Variants in LAMA5 observed in about 807,000 individuals in gnomAD.
LAMA5 encodes the protein laminin subunit alpha-5.
LAMA5 carries 260 observed loss-of-function variants against 433.4 expected under a neutral mutation model. The ratio of observed to expected loss-of-function variants is 0.60; its 90% confidence interval spans 0.54 to 0.66. The LOEUF is 0.66. Among genes scored for constraint, LAMA5 ranks in the 30% least tolerant of loss-of-function variants. LAMA5 has a pLI of 0.00. For synonymous variants in LAMA5, 2,620 were observed against 2,226.6 expected (o/e 1.18, Z -4.97); for missense variants, 5,378 against 5,258.5 (o/e 1.02, Z -0.70).
chr20:62,338,326 G>T lies in LAMA5; in HGVS notation c.1662C>A (p.Asp554Glu). The part of the protein sequence containing the change: ...SSPGVADDRC[D>E]PDTGQCRCRV... ...GGCACCTGCACTGGCCTGTGTCAGG[G>T]TCACAGCGGTCATCGGCCACTCCAG... Residue 554 changes from aspartate to glutamate, a missense_variant, in exon 13 of 80, where the codon GAC becomes GAA. Asp to Glu is a conservative substitution (Grantham distance 45). Coordinates refer to ENST00000252999, the MANE Select transcript of LAMA5 (RefSeq NM_005560.6). The T allele has an allele frequency of 6.2e-7, 1 of 1,608,296 alleles. No homozygotes were observed. The highest frequency in any genetic ancestry group is 1.1e-5 in the South Asian group (1 of 90,276).
chr20:62,323,506 A>T lies in LAMA5; in HGVS notation c.6014T>A (p.Ile2005Asn). ...LRHTTGPRCE[I>N]CAPGFYGNAL... is the part of the protein sequence containing the mutation. ...GTTGCCGTAGAAGCCGGGGGCACAG[A>T]TCTCGCAGCGGGGCCCAGTGGTGTG... is the stretch of plus-strand genomic sequence containing the variant. Residue 2005 changes from isoleucine to asparagine, a missense_variant, in exon 45 of 80, where the codon ATC (isoleucine) becomes AAC (asparagine). Transcript: ENST00000252999. 2 of 1,561,796 alleles carry T rather than the reference A, an allele frequency of 1.3e-6. No homozygotes were observed. Among genetic ancestry groups the T allele is most frequent in the South Asian group, 2.4e-5 (2 of 85,106 alleles).
At chr20:62,326,814 A>G in intron 39 of LAMA5, 51 bp downstream of exon 39, 1 of 1,601,482 alleles carries the variant, frequency 6.2e-7, no homozygotes, top group Non-Finnish European at 8.5e-7. Context: ...CCACGGTGCC[A>G]CTGCGCCACG....
intron 1 of LAMA5, among the ~76,000 whole-genome samples, chr20:62,365,085 G>T (rs1326821087): frequency 6.6e-6 from 1 of 152,286 alleles, no homozygotes; most frequent in African/African-American, 2.4e-5. Context: ...ACGTCTACCA[G>T]CTGATCTTTC....
chr20:62,309,365 C>G lies in LAMA5; in HGVS notation c.11059G>C (p.Val3687Leu). The G allele has an allele frequency of 6.3e-7, 1 of 1,590,594 alleles. No individual in the cohort carries two copies. Among genetic ancestry groups the G allele is most frequent in the African/African-American group, 1.3e-5 (1 of 74,854 alleles). Residue 3687 changes from valine to leucine, a missense_variant, in exon 80 of 80, where the codon GTG (valine) becomes CTG (leucine). Physicochemically the swap from Val to Leu is conservative, Grantham distance 32 (BLOSUM62 1). Coordinates refer to ENST00000252999, the MANE Select transcript of LAMA5 (RefSeq NM_005560.6). ...GCGGCTGGGCAGCCACTGGCCCCCA[C>G]TGCCCCGTGGACCTCCACAGAGCGA... ...MTRSVEVHGAVGASGCPAA is the reference protein window; with the variant it reads ...MTRSVEVHGALGASGCPAA
chr20:62,332,003 G>A (rs2146195835), intron 28 of LAMA5, among the ~76,000 whole-genome samples: 1 of 151,300 alleles, frequency 6.6e-6, no homozygotes, highest in East Asian at 2.0e-4. Context: ...AGTGAGCCAA[G>A]ATCTTGCCAT....
At position 62,320,498 on chromosome 20, in the gene LAMA5, C is replaced by T. The variant is rs374718187; in HGVS notation, c.6759+61G>A. 7.4e-4 allele frequency: 973 copies of T among 1,309,722 alleles called. 2 individuals are homozygous for T. The highest frequency in any genetic ancestry group is 4.6e-4 in the Non-Finnish European group (438 of 943,502). The allele number at this position is 1,309,722 out of a possible 1,614,324, so 81.1% of individuals were successfully genotyped here. On this transcript the variant is annotated intron_variant, in intron 50 of 79. Transcript: ENST00000252999. ...GTAACATCTGCTGAATGAGGACAAG[C>T]GAACCGCGGGGAACACAGGTGAAAG...
At position 62,324,393 on chromosome 20, in the gene LAMA5, G is replaced by A. The variant is rs1330718550; in HGVS notation, c.5643+48C>T. 8.0e-6 allele frequency: 12 copies of A among 1,498,120 alleles called. No individual in the cohort carries two copies. The highest frequency in any genetic ancestry group is 7.2e-5 in the Admixed American group (4 of 55,488). 92.8% of individuals were successfully genotyped at this position (1,498,120 alleles called of 1,614,324 possible). ...CTGGTCTTCCCTGGCACACTTGACT[G>A]TGCCTTCAGTGAATGCTGCCCCCCT... On this transcript the variant is annotated intron_variant, in intron 42 of 79. Transcript: ENST00000252999. This position sits in a 1 kb window ranked among gnomAD's most constrained non-coding sequence, Gnocchi z 4.4.
At chr20:62,338,629 G>A (rs190498900) in intron 11 of LAMA5, 21 bp from the exon 12 acceptor site, 4 of 1,599,454 alleles carry the variant, frequency 2.5e-6, no homozygotes, top group East Asian at 2.2e-5. Context: ...GGGACAGGCA[G>A]GGGAGTCTCA....
Position 62,313,408 on chromosome 20 carries a change from G to C in LAMA5, c.8711C>G (p.Thr2904Arg). The change falls in exon 64 of 80, where the codon ACG becomes AGG. Residue 2904 changes from threonine to arginine, a missense_variant. By Grantham distance (71) the Thr-to-Arg change is moderately conservative. Coordinates refer to ENST00000252999, the MANE Select transcript of LAMA5 (RefSeq NM_005560.6). ...GAGGCTGACCACCTCCTCATTCAGCGTGTCCATCTCGATGCAGCCCCGGTA... is the reference window on the plus strand; with the variant it reads ...GAGGCTGACCACCTCCTCATTCAGCCTGTCCATCTCGATGCAGCCCCGGTA... ...PGYRGCIEMD[T>R]LNEEVVSLYN... The C allele has an allele frequency of 6.2e-7, 1 of 1,609,662 alleles. No individual in the cohort carries two copies.
intron 57 of LAMA5, chr20:62,316,298 C>G (rs1048195390): frequency 3.5e-6 from 2 of 576,848 alleles, no homozygotes; most frequent in Admixed American, 6.2e-5. Flanking sequence ...ACAGATGAAA[C>G]AATAGAGGCT....
intron 78 of LAMA5, 66 bp downstream of exon 78, chr20:62,309,922 C>T (rs536144969): frequency 2.6e-5 from 42 of 1,605,348 alleles, no homozygotes; most frequent in East Asian, 1.1e-4. Context: ...CCCAGAGTCC[C>T]GCCTGGCTCC....
At chr20:62,310,642 G>T (rs368700282) in intron 75 of LAMA5, 23 bp downstream of exon 75, 37 of 1,596,910 alleles carry the variant, frequency 2.3e-5, no homozygotes, top group Non-Finnish European at 2.8e-5. Flanking sequence ...GGGGAGTGGG[G>T]GCTGGGGCAA....
Position 62,328,619 on chromosome 20 carries a change from C to G in LAMA5, c.4448-174G>C, listed in dbSNP as rs572585512. Among the ~76,000 whole-genome samples the G allele has an allele frequency of 2.8e-5, 4 of 144,808 alleles. No individual in the cohort carries two copies. The East Asian group carries it at 7.8e-4, about 28-fold the overall frequency. 95.0% of individuals were successfully genotyped at this position (144,808 alleles called of 152,430 possible). On this transcript the variant is annotated intron_variant, in intron 34 of 79. Coordinates refer to ENST00000252999, the MANE Select transcript of LAMA5 (RefSeq NM_005560.6). The stretch of plus-strand genomic sequence containing the variant: ...AGCTCCTGACATGGAGGCAGCTGCT[C>G]AGAATCAACATCATCGTCAGAGACT...
rs781297284 is a variant in LAMA5, at chr20:62,317,011, G to A, written c.7524C>T (p.Asp2508=). 30 of 1,532,888 alleles carry A rather than the reference G, an allele frequency of 2.0e-5. No individual in the cohort carries two copies. Among genetic ancestry groups the A allele is most frequent in the African/African-American group, 6.9e-5 (5 of 72,318 alleles). The allele number at this position is 1,532,888 out of a possible 1,614,324, so 95.0% of individuals were successfully genotyped here. ...TCTGGGTGAGGCGGTCCTGGTTGAC[G>A]TCCAGGATGATGCTGCAGCGGAAGG... ...LALNLSSIIL[D]VNQDRLTQRA... Residue 2508 remains aspartate, a synonymous_variant, in exon 56 of 80, where the codon GAC becomes GAT. Coordinates refer to ENST00000252999, the MANE Select transcript of LAMA5 (RefSeq NM_005560.6).
rs535497622 is a variant in LAMA5 at position 62,338,199 on chromosome 20, C to T, written c.1756+33G>A. Reference sequence around the variant, plus strand: ...GGTAGGCCAGGCCCACGGGCCTCCCCTACCCACGCCCACGTGGAGAGGCAC... The same window carrying T: ...GGTAGGCCAGGCCCACGGGCCTCCCTTACCCACGCCCACGTGGAGAGGCAC... On this transcript the variant is annotated intron_variant, in intron 13 of 79. Transcript: ENST00000252999. 3 of 1,574,316 alleles carry T rather than the reference C, an allele frequency of 1.9e-6. No homozygotes were observed. The South Asian group carries it at 3.5e-5, about 18-fold the overall frequency.
chr20:62,346,596 G>A lies in LAMA5; in HGVS notation c.1192C>T (p.His398Tyr). The change falls in exon 9 of 80, where the codon CAC (histidine) becomes TAC (tyrosine). Residue 398 changes from histidine (H) to tyrosine (Y), a missense_variant and splice_region_variant. His to Tyr is a moderately conservative substitution (Grantham distance 83). Coordinates refer to ENST00000252999, the MANE Select transcript of LAMA5 (RefSeq NM_005560.6). ...QGGGVCIDCQ[H>Y]HTTGVNCERC... ...TCACAGTTGACGCCGGTGGTGTGGT[G>A]CTGGGAGTGCAATGGCCGTTGAGTC... 1.9e-6 allele frequency: 3 copies of A among 1,605,130 alleles called. No homozygotes were observed. Among genetic ancestry groups the A allele is most frequent in the Non-Finnish European group, 2.6e-6 (3 of 1,176,082 alleles).
chr20:62,309,463 A>T lies in LAMA5; in HGVS notation c.10961T>A (p.Val3654Glu). ...YLGGLPEPMA[V>E]QPWPPAYCGC... ...GCAGTAGGCGGGGGGCCAGGGCTGC[A>T]CGGCCATGGGCTCTGGGGGCACAGG... The change falls in exon 80 of 80, where the codon GTG becomes GAG. Residue 3654 changes from valine (V) to glutamate (E), a missense_variant. Physicochemically the swap from Val to Glu is moderately radical, Grantham distance 121. Coordinates refer to ENST00000252999, the MANE Select transcript of LAMA5 (RefSeq NM_005560.6). The T allele has an allele frequency of 6.3e-7, 1 of 1,582,162 alleles. No homozygotes were observed. Among genetic ancestry groups the T allele is most frequent in the Non-Finnish European group, 8.5e-7 (1 of 1,173,766 alleles).
At position 62,317,018 on chromosome 20, in the gene LAMA5, A is replaced by G; in HGVS notation, c.7517T>C (p.Ile2506Thr). ...GAGGCGGTCCTGGTTGACGTCCAGG[A>G]TGATGCTGCAGCGGAAGGGAGGGTC... is the stretch of plus-strand genomic sequence containing the variant. ...GQLALNLSSIILDVNQDRLTQ... is the reference protein window; with the variant it reads ...GQLALNLSSITLDVNQDRLTQ... Residue 2506 changes from isoleucine to threonine, a missense_variant, in exon 56 of 80, where the codon ATC becomes ACC. By Grantham distance (89) the Ile-to-Thr change is moderately conservative. Coordinates refer to ENST00000252999, the MANE Select transcript of LAMA5 (RefSeq NM_005560.6). 1 of 1,527,444 alleles carries G rather than the reference A, an allele frequency of 6.5e-7. No individual in the cohort carries two copies. The allele number at this position is 1,527,444 out of a possible 1,614,324, so 94.6% of individuals were successfully genotyped here. A position where few individuals can be genotyped will look rare whatever the true frequency, so the allele number is the denominator to read the frequency against.
rs758395503 is a variant in LAMA5 at position 62,323,828 on chromosome 20, C to G, written c.5797G>C (p.Gly1933Arg). 6.2e-7 allele frequency: 1 copy of G among 1,609,820 alleles called. No homozygotes were observed. Among genetic ancestry groups the G allele is most frequent in the Non-Finnish European group, 8.5e-7 (1 of 1,178,656 alleles). The change falls in exon 44 of 80, where the codon GGC becomes CGC. Residue 1933 changes from glycine to arginine, a missense_variant. By Grantham distance (125) the Gly-to-Arg change is moderately radical. Transcript: ENST00000252999. ...NFAEGCVLRG[G>R]RTQCLCKPGY... ...GGTTTGCAGAGGCACTGGGTGCGGCCGCCTCGCAGGACACAGCCCTCGGCG... is the reference window on the plus strand; with the variant it reads ...GGTTTGCAGAGGCACTGGGTGCGGCGGCCTCGCAGGACACAGCCCTCGGCG...
Sources: gnomAD v4.1 joint callset for allele counts (sites outside exome capture counted in the v4.1 genomes callset) on GRCh38, gnomAD v4.1.1 for gene constraint, Gnocchi (gnomAD v3.1) non-coding constraint, MANE v1.5 for transcripts, NCBI Gene and HGNC (gene_info 2026-07-23, HGNC 2026-07-21) for gene names.